NOL4: variants seen among roughly 807,000 people sequenced by gnomAD.
NOL4 encodes nucleolar protein 4, also known as cancer/testis antigen 125.
Under a neutral mutation model 75.9 loss-of-function variants are expected in NOL4, and 17 were observed. The observed-to-expected ratio is 0.22, with a 90% CI of 0.15 to 0.34. NOL4 has a LOEUF of 0.34. NOL4 is among the 10% of genes least tolerant of loss of function. NOL4 has a pLI of 1.00. For missense variants in NOL4, 614 were observed against 793.5 expected (o/e 0.77, Z 2.72); for synonymous variants, 292 against 289.9 (o/e 1.01, Z -0.07).
At chr18:34,124,292 T>G (rs1387134820) in intron 2 of NOL4, among the ~76,000 whole-genome samples, 2 of 152,128 alleles carry the variant, frequency 1.3e-5, no homozygotes, top group African/African-American at 4.8e-5. Flanking sequence ...AGGGAAAAAT[T>G]CATAATAGTA....
intron 6 of NOL4, among the ~76,000 whole-genome samples, chr18:34,003,559 A>C (rs955516630): frequency 6.6e-6 from 1 of 152,054 alleles, no homozygotes; most frequent in Non-Finnish European, 1.5e-5. Context: ...TCTTTTTCTT[A>C]TTAATTTTCC....
intron 1 of NOL4, among the ~76,000 whole-genome samples, chr18:34,187,168 C>T (rs2034524420): frequency 6.6e-6 from 1 of 152,084 alleles, no homozygotes; most frequent in Non-Finnish European, 1.5e-5. Context: ...CTAAAATTCC[C>T]TTGTGCTCTG....
intron 10 of NOL4, among the ~76,000 whole-genome samples, chr18:33,862,860 T>G (rs1387753115): frequency 6.6e-6 from 1 of 152,214 alleles, no homozygotes; most frequent in Non-Finnish European, 1.5e-5. Flanking sequence ...GAAGTCAGTG[T>G]GGTGATTCCT....
chr18:34,169,478 A>G (rs2032800703), intron 1 of NOL4, among the ~76,000 whole-genome samples: 1 of 151,852 alleles, frequency 6.6e-6, no homozygotes, highest in South Asian at 2.1e-4. Context: ...AAAAAAAAAA[A>G]AACAGCAAGA....
chr18:33,968,113 A>T (rs1239490973), intron 6 of NOL4, among the ~76,000 whole-genome samples: 2 of 151,860 alleles, frequency 1.3e-5, no homozygotes, highest in African/African-American at 4.8e-5. Context: ...AATAAATAAA[A>T]ATTAAAATAA....
At chr18:33,947,554 A>G (rs2068924191) in intron 8 of NOL4, among the ~76,000 whole-genome samples, 2 of 151,860 alleles carry the variant, frequency 1.3e-5, no homozygotes, top group Admixed American at 1.3e-4. Flanking sequence ...TACATATACT[A>G]TTTGATATCT....
intron 10 of NOL4, among the ~76,000 whole-genome samples, chr18:33,863,710 G>T (rs2063292310): frequency 6.6e-6 from 1 of 152,168 alleles, no homozygotes; most frequent in Non-Finnish European, 1.5e-5. Flanking sequence ...GGTGCAAGTT[G>T]TCAGTGGATC....
chr18:34,190,521 C>G (rs192452106), intron 1 of NOL4, among the ~76,000 whole-genome samples: 1 of 151,526 alleles, frequency 6.6e-6, no homozygotes, highest in Non-Finnish European at 1.5e-5. Context: ...AGGTAGAATC[C>G]CAGTCACCAA....
At chr18:33,936,582 C>T (rs897040460) in intron 9 of NOL4, among the ~76,000 whole-genome samples, 6 of 152,056 alleles carry the variant, frequency 3.9e-5, no homozygotes, top group Admixed American at 2.6e-4. Flanking sequence ...ATTGGTTTCC[C>T]GTGTGTCTTA....
At chr18:34,214,137 A>G (rs1338911156) in intron 1 of NOL4, among the ~76,000 whole-genome samples, 1 of 152,160 alleles carries the variant, frequency 6.6e-6, no homozygotes, top group Non-Finnish European at 1.5e-5. Context: ...AAAGTCTTAA[A>G]TTCAATGTTC....
At chr18:33,940,829 G>A (rs1599951116) in intron 9 of NOL4, among the ~76,000 whole-genome samples, 1 of 152,062 alleles carries the variant, frequency 6.6e-6, no homozygotes, top group East Asian at 1.9e-4. Flanking sequence ...ATATAAAAAG[G>A]AGAGAATATG....
At position 34,186,837 on chromosome 18, in the gene NOL4, C is replaced by A. The variant is rs114666602; in HGVS notation, c.264+36153G>T. Among the ~76,000 whole-genome samples, 1,341 of 149,642 alleles carry A rather than the reference C, an allele frequency of 9.0e-3. 20 individuals are homozygous for A. Among genetic ancestry groups the A allele is most frequent in the African/African-American group, 0.032 (1,252 of 39,238 alleles). The stretch of plus-strand genomic sequence containing the variant: ...TCACATTGAAGCTTTTTTAAAAAAA[C>A]AACAACAACAACTTTATTTTTAGTG... On this transcript the variant is annotated intron_variant, in intron 1 of 10. Transcript: ENST00000261592.
At chr18:33,985,050 A>G (rs1285464053) in intron 6 of NOL4, among the ~76,000 whole-genome samples, 1 of 152,104 alleles carries the variant, frequency 6.6e-6, no homozygotes, top group Non-Finnish European at 1.5e-5. Context: ...AACAGTACCT[A>G]CCTCACAGGA....
chr18:34,138,982 T>C (rs2081020716), intron 1 of NOL4, among the ~76,000 whole-genome samples: 1 of 152,216 alleles, frequency 6.6e-6, no homozygotes. Context: ...ATTACATTTA[T>C]TGATTTGCAT....
At chr18:33,984,410 C>A (rs2072259733) in intron 6 of NOL4, among the ~76,000 whole-genome samples, 1 of 152,050 alleles carries the variant, frequency 6.6e-6, no homozygotes, top group Non-Finnish European at 1.5e-5. Context: ...GGTTTTGGAT[C>A]TGTGTCCCCA....
intron 5 of NOL4, among the ~76,000 whole-genome samples, chr18:34,048,895 T>C (rs2076503965): frequency 1.3e-5 from 2 of 152,142 alleles, no homozygotes; most frequent in East Asian, 1.9e-4. Context: ...CCAGTTTAAA[T>C]ACTCTGTGTA....
intron 4 of NOL4, among the ~76,000 whole-genome samples, chr18:34,098,245 G>C (rs146616462): frequency 1.3e-5 from 2 of 152,278 alleles, no homozygotes; most frequent in East Asian, 1.9e-4. Flanking sequence ...AAGTGATGCT[G>C]TGTCAGTCCC....
At chr18:34,108,478 AG>A (rs1344347147) in intron 2 of NOL4, among the ~76,000 whole-genome samples, 1 of 152,206 alleles carries the variant, frequency 6.6e-6, no homozygotes, top group African/African-American at 2.4e-5. Context: ...GTGGACACAT[AG>A]GCTGAAAGTG....
chr18:33,924,580 C>T (rs1046568187), intron 9 of NOL4, among the ~76,000 whole-genome samples: 4 of 152,120 alleles, frequency 2.6e-5, no homozygotes, highest in Non-Finnish European at 5.9e-5. Context: ...ATATTTATTA[C>T]GTACCTACCC....
Sources: allele counts gnomAD v4.1 joint callset (sites outside exome capture counted in the v4.1 genomes callset), GRCh38; gene constraint gnomAD v4.1.1; transcripts MANE v1.5; gene names NCBI Gene and HGNC (gene_info 2026-07-23, HGNC 2026-07-21).